C5: variants seen among roughly 807,000 people sequenced by gnomAD.
The protein encoded by C5 is C3 and PZP-like alpha-2-macroglobulin domain-containing protein 4.
Under a neutral mutation model 218.8 loss-of-function variants are expected in C5, and 140 were observed. The observed-to-expected ratio is 0.64, with a 90% confidence interval of 0.56 to 0.74. The LOEUF (loss-of-function observed/expected upper bound fraction) is 0.74, where lower values mean the gene tolerates loss of function less well. C5 is among the 30% of genes least tolerant of loss of function. The pLI is 0.00. For synonymous variants in C5, 614 were observed against 682.3 expected (o/e 0.90, Z 1.56); for missense variants, 1,700 against 1,969.6 (o/e 0.86, Z 2.59).
chr9:120,981,901 A>C lies in C5; in HGVS notation c.3429T>G (p.Tyr1143Ter). 6.2e-7 allele frequency: 1 copy of C among 1,614,078 alleles called. No homozygotes were observed. Among genetic ancestry groups the C allele is most frequent in the Non-Finnish European group, 8.5e-7 (1 of 1,179,948 alleles). ...TTCCAATCACAGTAAAGGCTGTAAG[A>C]TATAAGCTGTTCTCTCGGGCTTCAA... is the stretch of plus-strand genomic sequence containing the variant. ...LPVEARENSL[Y>*]LTAFTVIGIR... The change falls in exon 27 of 41, where the codon TAT (tyrosine) becomes TAG (stop). Residue 1143 changes from tyrosine to a stop codon, truncating the protein, a stop_gained. Transcript: ENST00000223642. LOFTEE classifies it high-confidence loss of function.
intron 2 of C5, among the ~76,000 whole-genome samples, chr9:121,044,496 C>A (rs1439158249): frequency 3.9e-5 from 6 of 151,916 alleles, no homozygotes; most frequent in Admixed American, 6.6e-5. Flanking sequence ...ACAACAACAA[C>A]AAAAAAGAAA....
intron 3 of C5, among the ~76,000 whole-genome samples, chr9:121,042,783 T>C (rs899457903): frequency 6.6e-6 from 1 of 152,208 alleles, no homozygotes; most frequent in Admixed American, 6.5e-5. Context: ...GCAGGTAATG[T>C]AATTGTTGGT....
intron 14 of C5, among the ~76,000 whole-genome samples, chr9:121,017,153 T>C (rs114797052): frequency 6.6e-4 from 101 of 152,346 alleles, no homozygotes; most frequent in African/African-American, 2.4e-3. Flanking sequence ...GATCATATAT[T>C]CTTAAAGTGC....
At chr9:120,998,444 C>T (rs1314331202) in intron 20 of C5, among the ~76,000 whole-genome samples, 1 of 152,170 alleles carries the variant, frequency 6.6e-6, no homozygotes, top group Non-Finnish European at 1.5e-5. Flanking sequence ...GGTACTTTTT[C>T]ATTTTCATCT....
At chr9:121,021,411 A>C in intron 11 of C5, 98 bp downstream of exon 11, 1 of 902,404 alleles carries the variant, frequency 1.1e-6, no homozygotes, top group African/African-American at 1.6e-5. Context: ...CACTGGACTC[A>C]TGTGTAAAAT....
At chr9:121,074,665 G>A in the C5 span, 40 of 376,176 alleles carry the variant, frequency 1.1e-4, 1 homozygote, top group Non-Finnish European at 2.0e-4. Flanking sequence ...GGGTGGCGGC[G>A]GCAGCTTTGT....
At position 120,952,658 on chromosome 9, in the gene C5, A is replaced by G; in HGVS notation, c.*81T>C. On this transcript the variant is annotated 3_prime_UTR_variant, in exon 41 of 41. Coordinates refer to ENST00000223642, the MANE Select transcript of C5 (RefSeq NM_001735.3). ...AAATAAGACCAGCTATGAATGTTTA[A>G]AAAAAGAAGAAAACAAAAAAACGAA... 1.4e-6 allele frequency: 2 copies of G among 1,454,676 alleles called. No homozygotes were observed. Among genetic ancestry groups the G allele is most frequent in the South Asian group, 2.3e-5 (2 of 86,540 alleles). The allele number at this position is 1,454,676 out of a possible 1,614,324, so 90.1% of individuals were successfully genotyped here.
At chr9:120,980,783 G>A (rs533475035) in intron 27 of C5, among the ~76,000 whole-genome samples, 3 of 151,580 alleles carry the variant, frequency 2.0e-5, no homozygotes, top group African/African-American at 7.3e-5. Flanking sequence ...ATTTTTGGTA[G>A]AGACGGGGTT....
At chr9:120,957,389 A>G (rs1409732079) in intron 38 of C5, 21 bp from the exon 39 acceptor site, 12 of 1,577,720 alleles carry the variant, frequency 7.6e-6, no homozygotes, top group Admixed American at 3.3e-5. Context: ...ACAAACAACA[A>G]TGAAACAATT....
intron 4 of C5, among the ~76,000 whole-genome samples, chr9:121,036,274 T>A (rs1028865988): frequency 1.3e-5 from 2 of 152,198 alleles, no homozygotes; most frequent in African/African-American, 4.8e-5. Flanking sequence ...TCTAAGATCA[T>A]CTTTCTCAGG....
intron 22 of C5, among the ~76,000 whole-genome samples, chr9:120,994,922 G>GAAAAAA (rs11306867): frequency 7.5e-6 from 1 of 133,976 alleles, no homozygotes; most frequent in Non-Finnish European, 1.6e-5. Flanking sequence ...CATCTGTGGT[G>GAAAAAA]AAAAAAAAAA....
At chr9:121,002,316 G>GTGTGTGTGTATATATATATATAGA (rs572345213) in intron 20 of C5, among the ~76,000 whole-genome samples, 1 of 87,406 alleles carries the variant, frequency 1.1e-5, no homozygotes, top group Non-Finnish European at 2.2e-5. Flanking sequence ...ATATGTGTGT[G>GTGTGTGTGTATATATATATATAGA]TATATATATA....
chr9:121,002,256 A>G (rs1440989370), intron 20 of C5, among the ~76,000 whole-genome samples: 1 of 98,772 alleles, frequency 1.0e-5, no homozygotes, highest in Non-Finnish European at 1.9e-5. Context: ...ATATATATGT[A>G]TATATGTATA....
chr9:121,061,709 C>T, the C5 span, among the ~76,000 whole-genome samples: 1 of 152,206 alleles, frequency 6.6e-6, no homozygotes, highest in African/African-American at 2.4e-5. Flanking sequence ...GTTTAAGCTG[C>T]AAATATAACA....
At chr9:120,987,858 T>C (rs2047045547) in intron 25 of C5, among the ~76,000 whole-genome samples, 1 of 151,862 alleles carries the variant, frequency 6.6e-6, no homozygotes, top group Non-Finnish European at 1.5e-5. Flanking sequence ...AGTAGCGCGA[T>C]CTCGGCTCAC....
intron 16 of C5, 24 bp downstream of exon 16, chr9:121,015,175 A>G: frequency 6.7e-7 from 1 of 1,496,968 alleles, no homozygotes; most frequent in Middle Eastern, 1.7e-4. Context: ...TAACCTTTTT[A>G]CAATCACATG....
At chr9:121,013,357 A>C (rs1159067899) in intron 17 of C5, among the ~76,000 whole-genome samples, 1 of 151,994 alleles carries the variant, frequency 6.6e-6, no homozygotes, top group Non-Finnish European at 1.5e-5. Flanking sequence ...AAGTCCTAAA[A>C]GTTCTGAAAA....
intron 38 of C5, among the ~76,000 whole-genome samples, chr9:120,959,181 G>A: frequency 6.6e-6 from 1 of 152,032 alleles, no homozygotes; most frequent in Non-Finnish European, 1.5e-5. Context: ...TAAACACAAA[G>A]TACCAAATTG....
chr9:121,053,410 C>T (rs934471554), upstream of C5, among the ~76,000 whole-genome samples: 2 of 152,128 alleles, frequency 1.3e-5, no homozygotes, highest in African/African-American at 4.8e-5. Context: ...GAGAAAGGCA[C>T]TGGAGGCTTC....
Sources: gnomAD v4.1 joint callset for allele counts (sites outside exome capture counted in the v4.1 genomes callset) on GRCh38, gnomAD v4.1.1 for gene constraint, MANE v1.5 for transcripts, NCBI Gene and HGNC (gene_info 2026-07-23, HGNC 2026-07-21) for gene names.